The following LILRA6 variants were observed in gnomAD, a reference collection of about 807,000 sequenced individuals.
LILRA6 encodes leukocyte immunoglobulin-like receptor subfamily A member 6.
Under a neutral mutation model 53.9 loss-of-function variants are expected in LILRA6, and 16 were observed. The observed-to-expected ratio is 0.30, with a 90% CI of 0.20 to 0.45. The LOEUF is 0.45. Among genes scored for constraint, LILRA6 ranks in the 20% least tolerant of loss-of-function variants. The pLI, the probability that LILRA6 is intolerant of heterozygous loss-of-function variation, is 1.00. For synonymous variants in LILRA6, 135 were observed against 256.4 expected (o/e 0.53, Z 4.52); for missense variants, 306 against 618.6 (o/e 0.49, Z 5.36).
At position 54,239,210 on chromosome 19, in the gene LILRA6, C is replaced by T. The variant is rs941182703; in HGVS notation, c.1310-121G>A. 4.9e-5 allele frequency: 76 copies of T among 1,557,074 alleles called. 5 individuals are homozygous for T. Among genetic ancestry groups the T allele is most frequent in the African/African-American group, 1.8e-4 (13 of 70,650 alleles). ...TTGACAGAACCTGACCCTCTGTGCC[C>T]GCCCCATAACTGTCTGACTTGTTTT... On this transcript the variant is annotated intron_variant, in intron 7 of 7. Coordinates refer to ENST00000396365, the Ensembl canonical transcript of LILRA6.
At chr19:54,238,950 T>C in exon 8 of LILRA6, 2 of 1,610,864 alleles carry the variant, frequency 1.2e-6, no homozygotes, top group Non-Finnish European at 1.7e-6. Context: ...TCCTCTCCGC[T>C]GTTCACCTCC....
chr19:54,240,353 G>A, exon 6 of LILRA6: 2 of 1,606,054 alleles, frequency 1.2e-6, no homozygotes, highest in Non-Finnish European at 1.7e-6. Context: ...AGCACCTGTA[G>A]GTCCCCGCGT....
Position 54,239,886 on chromosome 19 carries a change from G to T in LILRA6, c.1309+15C>A. 6.4e-7 allele frequency: 1 copy of T among 1,553,740 alleles called. No homozygotes were observed. The highest frequency in any genetic ancestry group is 8.7e-7 in the Non-Finnish European group (1 of 1,148,748). On this transcript the variant is annotated intron_variant, in intron 7 of 7. Transcript: ENST00000396365. ...TGGGGGAGGCGGCGCTCCCCACGAG[G>T]CCTCAGTGACTCACCAGGTGTGGAG...
At chr19:54,239,244 G>T (rs1051015226) in intron 7 of LILRA6, 155 bp from the exon 8 acceptor site, 2 of 1,535,344 alleles carry the variant, frequency 1.3e-6, no homozygotes, top group East Asian at 4.6e-5. Context: ...TTGTGATGGG[G>T]TGAGGGTCTC....
In LILRA6 at chr19:54,241,967, G is replaced by A; in HGVS notation, c.355+59C>T. 11 of 1,265,378 alleles carry A rather than the reference G, an allele frequency of 8.7e-6. 1 individual carries two copies. The highest frequency in any genetic ancestry group is 2.8e-4 in the Middle Eastern group (1 of 3,612). 78.4% of individuals were successfully genotyped at this position (1,265,378 alleles called of 1,614,324 possible). On this transcript the variant is annotated intron_variant, in intron 3 of 7. Transcript: ENST00000396365. The stretch of plus-strand genomic sequence containing the variant: ...GGCTGTGAGAGGGAGACACCCCTGA[G>A]AGCCGACCCCCTTCCTGAGGGCAGA...
intron 7 of LILRA6, 102 bp from the exon 8 acceptor site, chr19:54,239,191 G>A (rs1174989370): frequency 6.3e-7 from 1 of 1,582,018 alleles, no homozygotes; most frequent in African/African-American, 1.4e-5. Flanking sequence ...GCCATTGACA[G>A]AACCTGACCC....
intron 7 of LILRA6, chr19:54,239,301 C>T: frequency 7.0e-7 from 1 of 1,432,174 alleles, no homozygotes; most frequent in Non-Finnish European, 9.3e-7. Flanking sequence ...CTGAGCCAGC[C>T]TCTCCCCTGG....
chr19:54,240,849 G>A (rs2078740573), exon 5 of LILRA6: 1 of 1,613,652 alleles, frequency 6.2e-7, no homozygotes, highest in Non-Finnish European at 8.5e-7. Flanking sequence ...AGGATGTTCA[G>A]GGGGTCGCTG....
At chr19:54,236,717 G>A (rs1266946194), downstream of LILRA6, 1 of 150,910 alleles carries the variant, frequency 6.6e-6, no homozygotes, top group Non-Finnish European at 1.5e-5. Flanking sequence ...ATAATATTCA[G>A]GCATAAAAAG....
chr19:54,236,844 G>C (rs11882761), downstream of LILRA6: 2 of 150,648 alleles, frequency 1.3e-5, no homozygotes, highest in Non-Finnish European at 2.9e-5. Flanking sequence ...CTACAAAAGT[G>C]GGCCTTGTGA....
downstream of LILRA6, chr19:54,237,850 G>A (rs1219983618): frequency 2.7e-5 from 4 of 150,656 alleles, no homozygotes; most frequent in Non-Finnish European, 5.9e-5. Context: ...ATCCCTTGGT[G>A]GAATTGAACC....
At chr19:54,238,972 T>G in exon 8 of LILRA6, 6 of 1,611,212 alleles carry the variant, frequency 3.7e-6, no homozygotes, top group Non-Finnish European at 5.1e-6. Context: ...GGCTGCATCT[T>G]GGGGGTTTCT....
downstream of LILRA6, chr19:54,238,026 T>TC (rs1285213876): frequency 1.3e-5 from 2 of 149,450 alleles, no homozygotes; most frequent in African/African-American, 2.5e-5. Context: ...TCTTTTTTTT[T>TC]TTCTTTTTTT....
chr19:54,237,027 CAT>C (rs1280456089), downstream of LILRA6: 1 of 150,742 alleles, frequency 6.6e-6, no homozygotes, highest in Non-Finnish European at 1.5e-5. Context: ...GTATTTTCCA[CAT>C]GAGTGAGAAA....
exon 3 of LILRA6, chr19:54,242,127 A>T: frequency 1.4e-6 from 2 of 1,392,706 alleles, no homozygotes; most frequent in Non-Finnish European, 1.9e-6. Context: ...TATGGATGGG[A>T]TGGAGAATCT....
downstream of LILRA6, chr19:54,237,785 T>C (rs1366991241): frequency 6.6e-6 from 1 of 150,936 alleles, no homozygotes; most frequent in Non-Finnish European, 1.5e-5. Flanking sequence ...TGATGGAAGG[T>C]TGGTTTGCAT....
rs373497346 is a variant in LILRA6, at chr19:54,242,725, G to T, written c.27C>A (p.Leu9=). The T allele has an allele frequency of 1.2e-5, 13 of 1,068,818 alleles. 5 individuals are homozygous for T. The highest frequency in any genetic ancestry group is 1.7e-5 in the Non-Finnish European group (13 of 778,980). The allele number at this position is 1,068,818 out of a possible 1,614,324, so 66.2% of individuals were successfully genotyped here. Residue 9 remains leucine, a synonymous_variant, in exon 1 of 8, where the codon CTC becomes CTA. Coordinates refer to ENST00000396365, the Ensembl canonical transcript of LILRA6. ...CCCATCTTGAAATCTCACCTAGGCAGAGCAGGGCTGCGAGGGTGGGGGTCA... is the reference window on the plus strand; with the variant it reads ...CCCATCTTGAAATCTCACCTAGGCATAGCAGGGCTGCGAGGGTGGGGGTCA...
rs763439138 is a variant in LILRA6 at position 54,240,544 on chromosome 19, G to A, written c.988C>T (p.Gln330Ter). ...CCTGAGGCCACTGTGGGGCCCGGCT[G>A]TGCTGACAGGGAGACGGTGTCATAG... The change falls in exon 6 of 8, where the codon CAG (glutamine) becomes TAG (stop). Residue 330 changes from glutamine to a stop codon, truncating the protein, a stop_gained. Transcript: ENST00000396365. LOFTEE classifies it high-confidence loss of function. The A allele has an allele frequency of 4.4e-6, 7 of 1,608,636 alleles. No homozygotes were observed. The highest frequency in any genetic ancestry group is 1.7e-4 in the Middle Eastern group (1 of 6,032).
chr19:54,236,699 A>G (rs1459089955), downstream of LILRA6: 1 of 151,108 alleles, frequency 6.6e-6, no homozygotes, highest in Non-Finnish European at 1.5e-5. Context: ...GTCTATATAC[A>G]CAATGAAATA....
Sources: gnomAD v4.1 joint callset for allele counts on GRCh38, gnomAD v4.1.1 for gene constraint, MANE v1.5 for transcripts, NCBI Gene and HGNC (gene_info 2026-07-23, HGNC 2026-07-21) for gene names.